GCC2: variants seen among roughly 807,000 people sequenced by gnomAD.
GCC2 encodes the protein GRIP and coiled-coil domain-containing protein 2.
In GCC2, 120 loss-of-function variants were observed where a neutral mutation model predicts 210.6. The ratio of observed to expected loss-of-function variants is 0.57; its 90% CI spans 0.49 to 0.66. The LOEUF (loss-of-function observed/expected upper bound fraction) is 0.66, where lower values mean the gene tolerates loss of function less well. GCC2 is among the 30% of genes least tolerant of loss of function. GCC2 has a pLI of 0.00. For missense variants in GCC2, 1,868 were observed against 1,871.9 expected (o/e 1.00, Z 0.04); for synonymous variants, 703 against 652.7 (o/e 1.08, Z -1.17).
rs774466917 is a variant in GCC2 at position 108,495,327 on chromosome 2, G to A, written c.4484G>A (p.Arg1495Gln). Residue 1495 changes from arginine (R) to glutamine (Q), a missense_variant, in exon 20 of 23, where the codon CGA becomes CAA. Physicochemically the swap from Arg to Gln is conservative, Grantham distance 43 (BLOSUM62 1). This residue lies in a region of GCC2 where 1,847 missense variants were observed against 1,765.2 expected (regional missense o/e 1.05). Transcript: ENST00000309863. ...VSSQQSLKNLRERRNTDLPLL... is the reference protein window; with the variant it reads ...VSSQQSLKNLQERRNTDLPLL... ...TCTCAACAATCTTTGAAGAACCTTCGAGAAAGGAGAAACACAGACCTCCCG... is the reference window on the plus strand; with the variant it reads ...TCTCAACAATCTTTGAAGAACCTTCAAGAAAGGAGAAACACAGACCTCCCG... 11 of 1,575,002 alleles carry A rather than the reference G, an allele frequency of 7.0e-6. No homozygotes were observed. Among genetic ancestry groups the A allele is most frequent in the African/African-American group, 4.1e-5 (3 of 73,528 alleles).
chr2:108,449,969 T>G (rs1171573930), intron 2 of GCC2: 1 of 380,300 alleles, frequency 2.6e-6, no homozygotes, highest in Non-Finnish European at 4.8e-6. Flanking sequence ...TATATAGTGG[T>G]GTAGTGGAAG....
At position 108,459,745 on chromosome 2, in the gene GCC2, C is replaced by CTTTTTTTTTTTTTTTTTTTTTTTTTTTTT. The variant is rs34052393; in HGVS notation, c.216+7284_216+7312dup. Among the ~76,000 whole-genome samples, 8 of 26,784 alleles carry CTTTTTTTTTTTTTTTTTTTTTTTTTTTTT rather than the reference C, an allele frequency of 3.0e-4. 3 individuals carry two copies. Among genetic ancestry groups the CTTTTTTTTTTTTTTTTTTTTTTTTTTTTT allele is most frequent in the African/African-American group, 5.2e-4 (4 of 7,736 alleles). The allele number at this position is 26,784 out of a possible 152,430, so 17.6% of individuals were successfully genotyped here. A position where few individuals can be genotyped will look rare whatever the true frequency, so the allele number is the denominator to read the frequency against. On this transcript the variant is annotated intron_variant, in intron 4 of 22. Transcript: ENST00000309863. ...GCCATTAGATAATGACCTTCTTTGT[C>CTTTTTTTTTTTTTTTTTTTTTTTTTTTTT]TTTTTTTTTTTTTTTTTTTTTTTTT...
At chr2:108,459,827 G>A (rs1680470617) in intron 4 of GCC2, among the ~76,000 whole-genome samples, 1 of 128,886 alleles carries the variant, frequency 7.8e-6, no homozygotes, top group East Asian at 2.8e-4. Context: ...CTACTCAGGA[G>A]CCTGAGGCAG....
Position 108,449,270 on chromosome 2 carries a change from C to A in GCC2, c.-5C>A. On this transcript the variant is annotated 5_prime_UTR_variant, in exon 1 of 23. Transcript: ENST00000309863. ...TGGTTGCGGGCCGGCGGCGGGCTGG[C>A]GGAGATGGAGGTAACTCAGGTCGGG... 2 of 1,549,314 alleles carry A rather than the reference C, an allele frequency of 1.3e-6. No homozygotes were observed. The highest frequency in any genetic ancestry group is 1.7e-6 in the Non-Finnish European group (2 of 1,145,308).
Position 108,489,919 on chromosome 2 carries a change from A to G in GCC2, c.4134A>G (p.Glu1378=). The change falls in exon 18 of 23, where the codon GAA becomes GAG. Residue 1378 remains glutamate, a synonymous_variant. Coordinates refer to ENST00000309863, the MANE Select transcript of GCC2 (RefSeq NM_181453.4). The stretch of plus-strand genomic sequence containing the variant: ...ATAACTTACAGATTAATGTATCTGA[A>G]CTTCAAACATTGCAGTCTGAACATG... ...SQNNLQINVS[E]LQTLQSEHDT... 1.9e-6 allele frequency: 3 copies of G among 1,610,334 alleles called. No homozygotes were observed. Among genetic ancestry groups the G allele is most frequent in the Admixed American group, 3.4e-5 (2 of 59,692 alleles).
At chr2:108,462,259 G>A (rs534935524) in intron 4 of GCC2, among the ~76,000 whole-genome samples, 5 of 148,910 alleles carry the variant, frequency 3.4e-5, no homozygotes, top group East Asian at 2.1e-4. Context: ...TTGGGAGGCC[G>A]AGGCGGGCAG....
At chr2:108,472,633 C>T (rs1200111449) in intron 6 of GCC2, among the ~76,000 whole-genome samples, 194 bp from the exon 7 acceptor site, 2 of 151,062 alleles carry the variant, frequency 1.3e-5, no homozygotes, top group African/African-American at 4.9e-5. Flanking sequence ...TAGTAAATGC[C>T]ATATGCATAG....
intron 16 of GCC2, 54 bp downstream of exon 16, chr2:108,486,702 T>C: frequency 6.5e-7 from 1 of 1,548,206 alleles, no homozygotes; most frequent in Non-Finnish European, 8.8e-7. Context: ...TATCAGCTAG[T>C]CATTGGTTTA....
chr2:108,489,212 C>T (rs1313740267), intron 17 of GCC2, among the ~76,000 whole-genome samples: 1 of 152,148 alleles, frequency 6.6e-6, no homozygotes, highest in Non-Finnish European at 1.5e-5. Flanking sequence ...CTTATAACAA[C>T]AATTTAAGAA....
intron 13 of GCC2, among the ~76,000 whole-genome samples, chr2:108,485,020 A>C (rs1307477385): frequency 6.6e-6 from 1 of 151,982 alleles, no homozygotes; most frequent in African/African-American, 2.4e-5. Context: ...TGTCCTTTGT[A>C]GGGACATGGA....
At chr2:108,502,132 AC>A (rs1254033510) in intron 22 of GCC2, among the ~76,000 whole-genome samples, 45 of 152,338 alleles carry the variant, frequency 3.0e-4, no homozygotes, top group African/African-American at 8.9e-4. Context: ...CTATAAAAAA[AC>A]AAGACAGAAA....
chr2:108,497,497 C>T (rs2104507996), intron 21 of GCC2, among the ~76,000 whole-genome samples: 1 of 152,306 alleles, frequency 6.6e-6, no homozygotes, highest in East Asian at 1.9e-4. Flanking sequence ...GATTTAGAAA[C>T]TAGAGAGATG....
chr2:108,502,022 A>C (rs192158564), intron 22 of GCC2, among the ~76,000 whole-genome samples: 12 of 152,290 alleles, frequency 7.9e-5, no homozygotes, highest in African/African-American at 2.6e-4. Context: ...TAGTTATTCA[A>C]ATTACAAATT....
chr2:108,464,780 G>T (rs1269345666), intron 4 of GCC2, among the ~76,000 whole-genome samples: 1 of 152,286 alleles, frequency 6.6e-6, no homozygotes, highest in East Asian at 1.9e-4. Flanking sequence ...GAGGGATGGA[G>T]ACCTGAGACT....
At position 108,455,550 on chromosome 2, in the gene GCC2, G is replaced by A. The variant is rs552035513; in HGVS notation, c.216+3084G>A. On this transcript the variant is annotated intron_variant, in intron 4 of 22. Transcript: ENST00000309863. Reference sequence around the variant, plus strand: ...ATTTATACGTATTCATGGGGTACATGTGAAATTTTGTTAAATGCACAGAAT... The same window carrying A: ...ATTTATACGTATTCATGGGGTACATATGAAATTTTGTTAAATGCACAGAAT... 1.3e-4 allele frequency among the ~76,000 whole-genome samples: 20 copies of A among 151,360 alleles called. No individual in the cohort carries two copies. The South Asian group carries it at 3.1e-3, about 24-fold the overall frequency.
intron 9 of GCC2, among the ~76,000 whole-genome samples, chr2:108,480,401 T>G (rs1681790413): frequency 1.3e-5 from 2 of 152,152 alleles, no homozygotes; most frequent in South Asian, 4.1e-4. Flanking sequence ...CGTTACTGGG[T>G]ATATACCCAA....
Position 108,483,174 on chromosome 2 carries a change from A to G in GCC2, c.3450+8A>G. ...TTAGAGCTGGTTAAAAAGGTAAAAT[A>G]AAACACTAGGATCAAAATTGATGTA... is the stretch of plus-strand genomic sequence containing the variant. On this transcript the variant is annotated splice_region_variant and intron_variant, in intron 12 of 22. Coordinates refer to ENST00000309863, the MANE Select transcript of GCC2 (RefSeq NM_181453.4). 8.0e-7 allele frequency: 1 copy of G among 1,247,794 alleles called. No individual in the cohort carries two copies. Among genetic ancestry groups the G allele is most frequent in the South Asian group, 1.2e-5 (1 of 82,416 alleles). 77.3% of individuals were successfully genotyped at this position (1,247,794 alleles called of 1,614,324 possible). A position where few individuals can be genotyped will look rare whatever the true frequency, so the allele number is the denominator to read the frequency against.
intron 2 of GCC2, among the ~76,000 whole-genome samples, chr2:108,450,531 A>G (rs1157475174): frequency 1.3e-5 from 2 of 152,266 alleles, no homozygotes; most frequent in African/African-American, 2.4e-5. Context: ...TAGTAGTTGC[A>G]TAACTAATTT....
intron 20 of GCC2, chr2:108,496,564 C>G (rs1173297918): frequency 4.4e-6 from 1 of 224,956 alleles, no homozygotes; most frequent in Non-Finnish European, 8.8e-6. Flanking sequence ...ATAATGATAC[C>G]TACCCCGCCT....
Sources: allele counts gnomAD v4.1 joint callset (sites outside exome capture counted in the v4.1 genomes callset), GRCh38; gene constraint gnomAD v4.1.1; regional missense constraint gnomAD v4.1.1; transcripts MANE v1.5; gene names NCBI Gene and HGNC (gene_info 2026-07-23, HGNC 2026-07-21).